The following ARHGAP10 variants were observed in gnomAD, a reference collection of about 807,000 sequenced individuals.
ARHGAP10 encodes the protein rho GTPase-activating protein 10.
A neutral mutation model predicts 108.6 loss-of-function variants in ARHGAP10; 87 were observed. That is an observed-to-expected ratio of 0.80 (90% CI 0.67 to 0.96). The LOEUF is 0.96. Ranked by LOEUF, ARHGAP10 falls within the 40% of genes least tolerant of loss-of-function variation. ARHGAP10 has a pLI of 0.00. For missense variants in ARHGAP10, 939 were observed against 954.5 expected (o/e 0.98, Z 0.21); for synonymous variants, 347 against 341.1 (o/e 1.02, Z -0.19).
At chr4:147,991,570 G>A (rs559549455) in intron 18 of ARHGAP10, among the ~76,000 whole-genome samples, 1 of 152,334 alleles carries the variant, frequency 6.6e-6, no homozygotes, top group African/African-American at 2.4e-5. Context: ...TACCTAGTGT[G>A]TACCAAAATT....
intron 18 of ARHGAP10, 53 bp downstream of exon 18, chr4:147,966,892 C>A (rs933077494): frequency 7.2e-7 from 1 of 1,390,844 alleles, no homozygotes; most frequent in Non-Finnish European, 9.6e-7. Flanking sequence ...TCGCCATGTA[C>A]TACACAACGA....
intron 1 of ARHGAP10, among the ~76,000 whole-genome samples, chr4:147,766,373 A>G (rs1473817134): frequency 1.3e-5 from 2 of 152,066 alleles, no homozygotes; most frequent in East Asian, 3.9e-4. Context: ...TACTTACGAT[A>G]CTTAATACAA....
chr4:147,864,876 C>A lies in ARHGAP10; in HGVS notation c.517C>A (p.His173Asn). The part of the protein sequence containing the change: ...ADIQVEQNRQ[H>N]FYELSLEYVC... ...TATCCAAGTAGAGCAGAACCGGCAA[C>A]ACTTCTATGAACTGTCTCTCGAGTA... is the stretch of plus-strand genomic sequence containing the variant. The change falls in exon 6 of 23, where the codon CAC becomes AAC. Residue 173 changes from histidine to asparagine, a missense_variant. Transcript: ENST00000336498. The A allele has an allele frequency of 6.2e-7, 1 of 1,613,990 alleles. No homozygotes were observed. Among genetic ancestry groups the A allele is most frequent in the Non-Finnish European group, 8.5e-7 (1 of 1,179,962 alleles).
chr4:148,052,313 G>T (rs1729174008), intron 20 of ARHGAP10, among the ~76,000 whole-genome samples: 1 of 126,874 alleles, frequency 7.9e-6, no homozygotes. Context: ...GTTCACCCTA[G>T]AAGTTGGTAT....
At chr4:147,790,631 T>A (rs1380390841) in intron 1 of ARHGAP10, among the ~76,000 whole-genome samples, 1 of 152,230 alleles carries the variant, frequency 6.6e-6, no homozygotes, top group African/African-American at 2.4e-5. Context: ...TGCTAGATTC[T>A]GTGCCAAAGG....
intron 19 of ARHGAP10, among the ~76,000 whole-genome samples, chr4:148,025,590 T>G (rs540670959): frequency 6.6e-6 from 1 of 151,828 alleles, no homozygotes; most frequent in African/African-American, 2.4e-5. Flanking sequence ...ATTTTACATA[T>G]TCTAAAAAAA....
chr4:147,874,843 T>A (rs1416085555), intron 7 of ARHGAP10, among the ~76,000 whole-genome samples, 178 bp from the exon 8 acceptor site: 1 of 152,194 alleles, frequency 6.6e-6, no homozygotes, highest in Non-Finnish European at 1.5e-5. Flanking sequence ...CTATTTTTTT[T>A]TCTTTGCACA....
chr4:147,965,275 CTG>C, intron 17 of ARHGAP10, 146 bp downstream of exon 17: 1 of 544,656 alleles, frequency 1.8e-6, no homozygotes, highest in Non-Finnish European at 3.2e-6. Context: ...TTGGATAAGA[CTG>C]TTGAAATATG....
intron 3 of ARHGAP10, among the ~76,000 whole-genome samples, chr4:147,842,663 C>G (rs1733463463): frequency 1.3e-5 from 2 of 152,186 alleles, no homozygotes; most frequent in African/African-American, 4.8e-5. Context: ...CCCTCTGTTT[C>G]AGGCTGAGCT....
intron 20 of ARHGAP10, among the ~76,000 whole-genome samples, chr4:148,048,449 T>C (rs983295341): frequency 6.6e-6 from 1 of 152,226 alleles, no homozygotes; most frequent in Non-Finnish European, 1.5e-5. Flanking sequence ...GTGCATATTT[T>C]TTATGCTGAG....
chr4:147,993,881 C>T (rs1355441836), intron 18 of ARHGAP10, among the ~76,000 whole-genome samples: 1 of 152,188 alleles, frequency 6.6e-6, no homozygotes, highest in Non-Finnish European at 1.5e-5. Context: ...CAGTGAGGAG[C>T]TGGTGTTTCA....
intron 13 of ARHGAP10, among the ~76,000 whole-genome samples, chr4:147,939,271 T>C (rs993049974): frequency 1.3e-5 from 2 of 152,208 alleles, no homozygotes; most frequent in African/African-American, 4.8e-5. Context: ...ATGCATTGAT[T>C]TGGTTCATTT....
chr4:147,894,765 A>G (rs1350846488), intron 10 of ARHGAP10, among the ~76,000 whole-genome samples: 2 of 152,172 alleles, frequency 1.3e-5, no homozygotes, highest in Non-Finnish European at 2.9e-5. Context: ...CAGTATTTCC[A>G]TCACCATTTA....
chr4:147,784,119 CATAACATTAAATTGTGTATTATATATT>C (rs1730698926), intron 1 of ARHGAP10, among the ~76,000 whole-genome samples: 1 of 105,142 alleles, frequency 9.5e-6, no homozygotes, highest in Non-Finnish European at 1.8e-5. Context: ...ATATAATTTA[CATAACATTAAATTGTGTATTATATATT>C]TTACATAACA....
chr4:148,045,888 G>A lies in ARHGAP10; in HGVS notation c.1868-1004G>A, dbSNP rs563183300. The stretch of plus-strand genomic sequence containing the variant: ...GCTTTAATCAGCTACAAGCTGTTGG[G>A]GGCTGGGGTTATGGACCTCTATGTG... On this transcript the variant is annotated intron_variant, in intron 19 of 22. Transcript: ENST00000336498. 7.2e-5 allele frequency among the ~76,000 whole-genome samples: 11 copies of A among 152,308 alleles called. No individual in the cohort carries two copies. In the South Asian group the frequency reaches 1.5e-3, roughly 20 times the overall value.
At chr4:147,939,168 C>G (rs1367592979) in intron 13 of ARHGAP10, among the ~76,000 whole-genome samples, 1 of 152,158 alleles carries the variant, frequency 6.6e-6, no homozygotes, top group African/African-American at 2.4e-5. Context: ...GATATTTGTT[C>G]AGCATACCAA....
chr4:148,003,078 T>C (rs1227724548), intron 18 of ARHGAP10, among the ~76,000 whole-genome samples: 8 of 152,258 alleles, frequency 5.3e-5, no homozygotes, highest in African/African-American at 1.9e-4. Flanking sequence ...TTCTACACAC[T>C]GCGTTAAATG....
At chr4:147,829,348 C>T (rs533345860) in intron 3 of ARHGAP10, among the ~76,000 whole-genome samples, 1 of 152,148 alleles carries the variant, frequency 6.6e-6, no homozygotes, top group African/African-American at 2.4e-5. Flanking sequence ...CCACCGCGCC[C>T]AGCCAATTTG....
At chr4:148,007,659 G>A (rs1036280192) in intron 18 of ARHGAP10, among the ~76,000 whole-genome samples, 2 of 152,218 alleles carry the variant, frequency 1.3e-5, no homozygotes, top group Non-Finnish European at 2.9e-5. Context: ...AACTGCTCAA[G>A]CATTGTGTAA....
Sources: allele counts gnomAD v4.1 joint callset (sites outside exome capture counted in the v4.1 genomes callset), GRCh38; gene constraint gnomAD v4.1.1; transcripts MANE v1.5; gene names NCBI Gene and HGNC (gene_info 2026-07-23, HGNC 2026-07-21).